The following PCDH15 variants were observed in gnomAD, a reference collection of about 807,000 sequenced individuals.
PCDH15 encodes the protein protocadherin-15.
A neutral mutation model predicts 178.5 loss-of-function variants in PCDH15; 129 were observed. The ratio of observed to expected loss-of-function variants is 0.72; its 90% CI spans 0.63 to 0.84. The LOEUF is 0.84. Among genes scored for constraint, PCDH15 ranks in the 40% least tolerant of loss-of-function variants. The pLI is 0.00. For missense variants in PCDH15, 2,230 were observed against 2,099.9 expected, an observed-to-expected ratio of 1.06 and a Z score of -1.21; for synonymous variants, 800 against 732.0, an observed-to-expected ratio of 1.09 and a Z score of -1.50.
chr10:55,154,281 T>C (rs1016968784), intron 2 of PCDH15, among the ~76,000 whole-genome samples: 5 of 152,148 alleles, frequency 3.3e-5, no homozygotes, highest in Non-Finnish European at 5.9e-5. Context: ...AGTATAATAT[T>C]AGTCAAAACA....
At chr10:54,105,027 A>T (rs190299212) in intron 15 of PCDH15, among the ~76,000 whole-genome samples, 152 of 151,790 alleles carry the variant, frequency 1.0e-3, no homozygotes, top group African/African-American at 3.4e-3. Flanking sequence ...ATTTTGCATA[A>T]CTGTCTAAAT....
chr10:54,399,085 ACT>A (rs1278716986), intron 3 of PCDH15, among the ~76,000 whole-genome samples: 4 of 151,914 alleles, frequency 2.6e-5, no homozygotes, highest in Non-Finnish European at 5.9e-5. Context: ...TTTCTCAACA[ACT>A]CTCTCTTAGA....
chr10:54,225,042 T>C (rs1159413746), intron 9 of PCDH15, among the ~76,000 whole-genome samples: 1 of 152,142 alleles, frequency 6.6e-6, no homozygotes, highest in Non-Finnish European at 1.5e-5. Flanking sequence ...CTTATCTTAG[T>C]AGCCAATATC....
chr10:53,958,234 C>T (rs1163914048), intron 23 of PCDH15, among the ~76,000 whole-genome samples: 1 of 152,082 alleles, frequency 6.6e-6, no homozygotes, highest in Non-Finnish European at 1.5e-5. Flanking sequence ...TATCATCATC[C>T]AACTTTCAAT....
chr10:53,827,269 A>G, intron 32 of PCDH15, 124 bp downstream of exon 32: 1 of 1,299,412 alleles, frequency 7.7e-7, no homozygotes, highest in East Asian at 2.6e-5. Context: ...TTTTCTCTTG[A>G]AAATAATAGA....
At chr10:54,487,872 A>G (rs2079231868) in intron 3 of PCDH15, among the ~76,000 whole-genome samples, 1 of 151,932 alleles carries the variant, frequency 6.6e-6, no homozygotes, top group Non-Finnish European at 1.5e-5. Flanking sequence ...CATTTTAAAC[A>G]AACAATAAAA....
intron 3 of PCDH15, among the ~76,000 whole-genome samples, chr10:54,463,647 TA>T (rs2077335755): frequency 6.6e-6 from 1 of 152,104 alleles, no homozygotes. Context: ...TACCAGACAG[TA>T]ATTTTTTTCA....
At chr10:55,137,166 T>A (rs1242581883) in intron 2 of PCDH15, among the ~76,000 whole-genome samples, 1 of 152,222 alleles carries the variant, frequency 6.6e-6, no homozygotes, top group Non-Finnish European at 1.5e-5. Flanking sequence ...TACCGCATGA[T>A]ATTTCATACA....
At chr10:54,479,912 A>G (rs2078584915) in intron 3 of PCDH15, among the ~76,000 whole-genome samples, 1 of 152,088 alleles carries the variant, frequency 6.6e-6, no homozygotes, top group Non-Finnish European at 1.5e-5. Context: ...CAACTCTCAG[A>G]ATAAGTACCC....
At chr10:54,417,511 T>C (rs1038709866) in intron 3 of PCDH15, among the ~76,000 whole-genome samples, 1 of 152,128 alleles carries the variant, frequency 6.6e-6, no homozygotes, top group African/African-American at 2.4e-5. Context: ...GACAGAATAA[T>C]AATAATTTTC....
At chr10:54,166,330 T>TAGTCA (rs2046226031) in intron 13 of PCDH15, among the ~76,000 whole-genome samples, 1 of 152,218 alleles carries the variant, frequency 6.6e-6, no homozygotes, top group Admixed American at 6.5e-5. Context: ...TTGCAAAATA[T>TAGTCA]AGTCAACTCC....
At chr10:53,916,200 A>G (rs1252933236) in intron 25 of PCDH15, among the ~76,000 whole-genome samples, 1 of 152,158 alleles carries the variant, frequency 6.6e-6, no homozygotes, top group East Asian at 1.9e-4. Context: ...TTTTCTGAAT[A>G]TTTTCCATCT....
intron 26 of PCDH15, among the ~76,000 whole-genome samples, chr10:53,902,170 T>A (rs1011550257): frequency 7.2e-5 from 11 of 152,134 alleles, no homozygotes; most frequent in Admixed American, 1.3e-4. Context: ...ATAAATTAAA[T>A]GTAATGAATG....
At chr10:55,252,002 C>T (rs1345055203) in intron 1 of PCDH15, among the ~76,000 whole-genome samples, 1 of 152,084 alleles carries the variant, frequency 6.6e-6, no homozygotes, top group Non-Finnish European at 1.5e-5. Flanking sequence ...TATTTCTGCT[C>T]CTATAAGTTC....
intron 26 of PCDH15, among the ~76,000 whole-genome samples, chr10:53,902,864 T>G (rs2082417035): frequency 6.6e-6 from 1 of 152,130 alleles, no homozygotes; most frequent in East Asian, 1.9e-4. Flanking sequence ...AAATGGTTAA[T>G]TTATTCCACT....
Position 55,497,256 on chromosome 10 carries a change from A to T in PCDH15, c.-156+130369T>A, listed in dbSNP as rs570469739. Among the ~76,000 whole-genome samples, 9 of 151,776 alleles carry T rather than the reference A, an allele frequency of 5.9e-5. No homozygotes were observed. The South Asian group carries it at 1.7e-3, about 28-fold the overall frequency. On this transcript the variant is annotated intron_variant, in intron 2 of 5. Coordinates refer to the PCDH15 transcript ENST00000613346. ...GAGATTCTCCCACCTCAGCCTCCTG[A>T]GTAGCTAGGACTACAGGTGCACACC...
At chr10:55,239,049 C>T (rs975807756) in intron 1 of PCDH15, among the ~76,000 whole-genome samples, 17 of 152,190 alleles carry the variant, frequency 1.1e-4, no homozygotes, top group African/African-American at 4.1e-4. Flanking sequence ...TCTTTATATC[C>T]ATGATTTTTA....
chr10:55,353,291 A>G (rs1392375964), intron 2 of PCDH15, among the ~76,000 whole-genome samples: 2 of 152,102 alleles, frequency 1.3e-5, no homozygotes, highest in African/African-American at 4.8e-5. Flanking sequence ...ATTGATTCTT[A>G]TTTTGATTAA....
At chr10:54,572,715 C>A (rs770177737) in intron 2 of PCDH15, among the ~76,000 whole-genome samples, 1 of 152,062 alleles carries the variant, frequency 6.6e-6, no homozygotes, top group East Asian at 1.9e-4. Context: ...AGTTCTAGTT[C>A]TTTCACTAGG....
Sources: allele counts gnomAD v4.1 joint callset (sites outside exome capture counted in the v4.1 genomes callset), GRCh38; gene constraint gnomAD v4.1.1; transcripts MANE v1.5; gene names NCBI Gene and HGNC (gene_info 2026-07-23, HGNC 2026-07-21).